CACNA1A: variants seen among roughly 807,000 people sequenced by gnomAD.
CACNA1A encodes calcium voltage-gated channel subunit alpha1 A.
CACNA1A carries 57 observed loss-of-function variants against 262.4 expected under a neutral mutation model. That is an observed-to-expected ratio of 0.22 (90% CI 0.18 to 0.27). The LOEUF (loss-of-function observed/expected upper bound fraction) is 0.27. Among genes scored for constraint, CACNA1A ranks in the 10% least tolerant of loss-of-function variants. CACNA1A has a pLI of 1.00. For synonymous variants in CACNA1A, 1,431 were observed against 1,419.3 expected (o/e 1.01, Z -0.18); for missense variants, 2,526 against 3,562.8 (o/e 0.71, Z 7.41).
At chr19:13,272,712 AGG>A (rs914100398) in intron 24 of CACNA1A, 27 of 147,500 alleles carry the variant, frequency 1.8e-4, no homozygotes, top group African/African-American at 6.0e-4. Context: ...GAGGGAAGAG[AGG>A]GGAAAGGAGG....
At chr19:13,486,982 T>C (rs1267506340) in intron 1 of CACNA1A, among the ~76,000 whole-genome samples, 3 of 152,150 alleles carry the variant, frequency 2.0e-5, no homozygotes, top group Non-Finnish European at 4.4e-5. Flanking sequence ...GACACAGTGC[T>C]AAAAAAGAGG....
intron 3 of CACNA1A, among the ~76,000 whole-genome samples, chr19:13,402,242 G>A (rs757914206): frequency 1.4e-4 from 22 of 152,330 alleles, no homozygotes; most frequent in Non-Finnish European, 2.2e-4. Context: ...TGAGGAAAGG[G>A]AATAGGTTCC....
At chr19:13,363,649 G>T (rs1351822455) in intron 5 of CACNA1A, 1 of 152,130 alleles carries the variant, frequency 6.6e-6, no homozygotes, top group Non-Finnish European at 1.5e-5. Flanking sequence ...GTCACTGGGT[G>T]GAGAGGGTGG....
In CACNA1A at chr19:13,207,769, G is replaced by A; in HGVS notation, c.7065C>T (p.Pro2355=). The change falls in exon 47 of 47, where the codon CCC becomes CCT. Residue 2355 remains proline (P), a synonymous_variant. Transcript: ENST00000360228. This position sits in a 1 kb window ranked among gnomAD's most constrained non-coding sequence, Gnocchi z 5.7. ...AGCGGCCGCTGCTGTGGCCCCCCGT[G>A]GGCGGCCGATCTCCGGCCAGAGGCT... The part of the protein sequence containing the change: ...TAEPLAGDRP[P]TGGHSSGRSP... 7.2e-7 allele frequency: 1 copy of A among 1,379,952 alleles called. No individual in the cohort carries two copies. The highest frequency in any genetic ancestry group is 1.7e-5 in the South Asian group (1 of 58,982). 85.5% of individuals were successfully genotyped at this position (1,379,952 alleles called of 1,614,324 possible). A position where few individuals can be genotyped will look rare whatever the true frequency, so the allele number is the denominator to read the frequency against.
In CACNA1A at chr19:13,400,822, C is replaced by T. The variant is rs368756500; in HGVS notation, c.540-29043G>A. Among the ~76,000 whole-genome samples the T allele has an allele frequency of 1.1e-4, 16 of 152,192 alleles. 1 individual carries two copies. Among genetic ancestry groups the T allele is most frequent in the African/African-American group, 3.6e-4 (15 of 41,522 alleles). On this transcript the variant is annotated intron_variant, in intron 3 of 46. Transcript: ENST00000360228. ...TGGCGGAGAAACTCTGACCTAGAAC[C>T]CAGGGGGCCATGGCGGTCCTGAGGC...
intron 3 of CACNA1A, among the ~76,000 whole-genome samples, chr19:13,386,773 A>T (rs2059622550): frequency 6.6e-6 from 1 of 151,860 alleles, no homozygotes; most frequent in Non-Finnish European, 1.5e-5. Context: ...AGCCTGGGCG[A>T]CAGAGCGGGA....
chr19:13,479,461 A>G (rs1180719944), intron 1 of CACNA1A, among the ~76,000 whole-genome samples: 2 of 147,272 alleles, frequency 1.4e-5, no homozygotes, highest in African/African-American at 5.0e-5. Flanking sequence ...TGTCTGAGGA[A>G]GAGTAAAGAC....
At chr19:13,464,619 G>A (rs568654615) in intron 1 of CACNA1A, among the ~76,000 whole-genome samples, 270 of 148,382 alleles carry the variant, frequency 1.8e-3, no homozygotes, top group Non-Finnish European at 3.2e-3. Context: ...TGCTATCTCG[G>A]CTCACTGCAA....
intron 1 of CACNA1A, among the ~76,000 whole-genome samples, chr19:13,497,363 C>G (rs1981653603): frequency 1.4e-5 from 2 of 147,974 alleles, no homozygotes; most frequent in South Asian, 4.3e-4. Context: ...CAAACAATCC[C>G]CCACCCCAAA....
chr19:13,506,148 C>T lies in CACNA1A; in HGVS notation c.77G>A (p.Gly26Asp). The T allele has an allele frequency of 6.4e-7, 1 of 1,570,710 alleles. No individual in the cohort carries two copies. ...CCCGGCTCCTCGCCCGCCTCCGCTG[C>T]CCACGACCACCCCGGCGGCTGCCCC... The part of the protein sequence containing the change: ...GSGAAAGVVV[G>D]SGGGRGAGGS... The change falls in exon 1 of 47, where the codon GGC becomes GAC. Residue 26 changes from glycine (G) to aspartate (D), a missense_variant. Coordinates refer to ENST00000360228, the MANE Select transcript of CACNA1A (RefSeq NM_001127222.2).
At chr19:13,250,688 A>T (rs115200208) in intron 30 of CACNA1A, among the ~76,000 whole-genome samples, 3,156 of 152,220 alleles carry the variant, frequency 0.021, 105 homozygotes, top group African/African-American at 0.069. Context: ...GAGCCACCGC[A>T]CTCAGCCAAC....
intron 3 of CACNA1A, among the ~76,000 whole-genome samples, chr19:13,390,174 C>T (rs931259751): frequency 3.9e-5 from 6 of 151,932 alleles, no homozygotes; most frequent in African/African-American, 9.7e-5. Context: ...TGGAGTGCAG[C>T]GGTGCGCTCA....
chr19:13,264,202 A>G (rs2056809943), intron 24 of CACNA1A, among the ~76,000 whole-genome samples: 1 of 152,088 alleles, frequency 6.6e-6, no homozygotes, highest in African/African-American at 2.4e-5. Flanking sequence ...GACCATGAAT[A>G]GCTTGTGGTT....
chr19:13,335,573 T>TA (rs903637958), intron 7 of CACNA1A, among the ~76,000 whole-genome samples: 7 of 152,004 alleles, frequency 4.6e-5, no homozygotes, highest in East Asian at 1.9e-4. Flanking sequence ...TATTGGTTTT[T>TA]AAAAAAAATG....
At chr19:13,313,867 T>C (rs946855566) in intron 11 of CACNA1A, among the ~76,000 whole-genome samples, 23 of 152,204 alleles carry the variant, frequency 1.5e-4, no homozygotes, top group African/African-American at 5.5e-4. Flanking sequence ...AATGATATCC[T>C]ATTTGTAATC....
chr19:13,230,316 A>G lies in CACNA1A; in HGVS notation c.5401-107T>C, dbSNP rs1233478188. The G allele has an allele frequency of 2.5e-6, 3 of 1,201,572 alleles. No homozygotes were observed. In the Admixed American group the frequency reaches 6.2e-5, roughly 25 times the overall value. The allele number at this position is 1,201,572 out of a possible 1,614,324, so 74.4% of individuals were successfully genotyped here. A position where few individuals can be genotyped will look rare whatever the true frequency, so the allele number is the denominator to read the frequency against. ...CAGACGGACAGACAGACCCAAAGACATGTACACAGAGGCCCAGATGGAGAG... is the reference window on the plus strand; with the variant it reads ...CAGACGGACAGACAGACCCAAAGACGTGTACACAGAGGCCCAGATGGAGAG... On this transcript the variant is annotated intron_variant, in intron 35 of 46. Transcript: ENST00000360228.
intron 19 of CACNA1A, among the ~76,000 whole-genome samples, chr19:13,288,739 G>A (rs928720525): frequency 4.0e-5 from 6 of 151,798 alleles, no homozygotes; most frequent in African/African-American, 1.5e-4. Context: ...ACAGACCCCT[G>A]GACAACACAG....
intron 27 of CACNA1A, 44 bp from the exon 28 acceptor site, chr19:13,257,595 G>T: frequency 7.2e-7 from 1 of 1,385,568 alleles, no homozygotes; most frequent in Non-Finnish European, 1.0e-6. Flanking sequence ...AGGAAGGAGA[G>T]AGACAGGGAC....
intron 34 of CACNA1A, among the ~76,000 whole-genome samples, chr19:13,234,350 C>CAAAAAAAAAAAAAAA (rs71168693): frequency 1.4e-5 from 1 of 71,244 alleles, no homozygotes; most frequent in Non-Finnish European, 2.4e-5. Flanking sequence ...ACTCCATCTC[C>CAAAAAAAAAAAAAAA]AAAAAAAAAA....
Sources: gnomAD v4.1 joint callset for allele counts (sites outside exome capture counted in the v4.1 genomes callset) on GRCh38, gnomAD v4.1.1 for gene constraint, Gnocchi (gnomAD v3.1) non-coding constraint, MANE v1.5 for transcripts, NCBI Gene and HGNC (gene_info 2026-07-23, HGNC 2026-07-21) for gene names.